Variants in TTC39B observed in about 807,000 individuals in gnomAD.
The protein encoded by TTC39B is tetratricopeptide repeat protein 39B.
In TTC39B, 92 loss-of-function variants were observed where a neutral mutation model predicts 96.6. The observed-to-expected ratio is 0.95, with a 90% CI of 0.80 to 1.13. The LOEUF (loss-of-function observed/expected upper bound fraction) is 1.13, where lower values mean the gene tolerates loss of function less well. Ranked by LOEUF, TTC39B falls within the 50% of genes most tolerant of loss-of-function variation. The pLI, the probability that TTC39B is intolerant of heterozygous loss-of-function variation, is 0.00. For synonymous variants in TTC39B, 367 were observed against 299.4 expected, an observed-to-expected ratio of 1.23 and a Z score of -2.33; for missense variants, 955 against 809.3, an observed-to-expected ratio of 1.18 and a Z score of -2.18.
At chr9:15,297,694 A>G (rs1362226081) in intron 1 of TTC39B, among the ~76,000 whole-genome samples, 1 of 152,084 alleles carries the variant, frequency 6.6e-6, no homozygotes, top group African/African-American at 2.4e-5. Context: ...CAAACAAAAC[A>G]AAACACCAGC....
intron 16 of TTC39B, among the ~76,000 whole-genome samples, chr9:15,183,674 G>C (rs1818367097): frequency 6.6e-6 from 1 of 152,202 alleles, no homozygotes; most frequent in Non-Finnish European, 1.5e-5. Context: ...AGTTCTGTGA[G>C]ACAGAAAAAC....
intron 1 of TTC39B, among the ~76,000 whole-genome samples, chr9:15,282,577 G>C (rs993079064): frequency 1.3e-5 from 2 of 152,108 alleles, no homozygotes; most frequent in African/African-American, 4.8e-5. Context: ...TTCCATATGA[G>C]GTGTTAAAAA....
intron 17 of TTC39B, among the ~76,000 whole-genome samples, chr9:15,180,953 C>G (rs1818218157): frequency 6.6e-6 from 1 of 152,218 alleles, no homozygotes; most frequent in South Asian, 2.1e-4. Context: ...CTGTCTGTCT[C>G]AGTATCCCCC....
At chr9:15,232,696 G>A (rs1260956045) in intron 2 of TTC39B, among the ~76,000 whole-genome samples, 1 of 152,242 alleles carries the variant, frequency 6.6e-6, no homozygotes, top group East Asian at 1.9e-4. Flanking sequence ...AGCCCGCCTA[G>A]CTGAGGCGCG....
intron 2 of TTC39B, among the ~76,000 whole-genome samples, chr9:15,234,124 C>A (rs1044931237): frequency 4.0e-5 from 6 of 151,202 alleles, no homozygotes; most frequent in Non-Finnish European, 5.9e-5. Flanking sequence ...GCCCGGCCGC[C>A]CCGTCTGAGA....
intron 7 of TTC39B, among the ~76,000 whole-genome samples, chr9:15,200,550 A>C (rs962007339): frequency 1.3e-5 from 2 of 152,242 alleles, no homozygotes; most frequent in Non-Finnish European, 1.5e-5. Flanking sequence ...GTTGGCCTAG[A>C]TGAATGGCAT....
At chr9:15,216,611 T>A (rs1820533286) in intron 3 of TTC39B, among the ~76,000 whole-genome samples, 1 of 152,224 alleles carries the variant, frequency 6.6e-6, no homozygotes, top group South Asian at 2.1e-4. Flanking sequence ...CTTGAATTTA[T>A]CCTGTCTCAT....
intron 1 of TTC39B, among the ~76,000 whole-genome samples, chr9:15,301,697 C>T (rs1380932019): frequency 6.7e-6 from 1 of 149,182 alleles, no homozygotes; most frequent in Non-Finnish European, 1.5e-5. Context: ...CAGAGGTTGC[C>T]GTGAGCTGAG....
chr9:15,272,530 T>A (rs1338259207), intron 1 of TTC39B, among the ~76,000 whole-genome samples: 1 of 152,188 alleles, frequency 6.6e-6, no homozygotes, highest in African/African-American at 2.4e-5. Flanking sequence ...TGCATTTGCC[T>A]GCCCTACTCC....
chr9:15,190,476 G>C, intron 11 of TTC39B, 78 bp downstream of exon 11: 2 of 1,292,530 alleles, frequency 1.5e-6, no homozygotes, highest in African/African-American at 1.4e-5. Context: ...CTCCCAAGTA[G>C]TTGGGATTAC....
At chr9:15,284,230 C>T (rs1823872856) in intron 1 of TTC39B, among the ~76,000 whole-genome samples, 1 of 152,124 alleles carries the variant, frequency 6.6e-6, no homozygotes, top group Admixed American at 6.5e-5. Flanking sequence ...CTGTGATTGG[C>T]AAAAATTTAC....
At chr9:15,229,769 G>A (rs149687360) in intron 2 of TTC39B, among the ~76,000 whole-genome samples, 2,448 of 152,256 alleles carry the variant, frequency 0.016, 41 homozygotes, top group Non-Finnish European at 0.026. Context: ...TAGTCACACC[G>A]TTTTTATTAT....
At chr9:15,220,221 T>TC (rs1351793174) in intron 3 of TTC39B, among the ~76,000 whole-genome samples, 47 of 152,120 alleles carry the variant, frequency 3.1e-4, no homozygotes, top group Non-Finnish European at 8.8e-5. Flanking sequence ...ACTCCAGACC[T>TC]CCCTGCCCTC....
intron 1 of TTC39B, among the ~76,000 whole-genome samples, chr9:15,290,674 C>G (rs1824151535): frequency 6.6e-6 from 1 of 152,152 alleles, no homozygotes; most frequent in Non-Finnish European, 1.5e-5. Context: ...TCCTCTACTC[C>G]CTCCTTTCAC....
intron 18 of TTC39B, among the ~76,000 whole-genome samples, chr9:15,176,871 G>A (rs1201524124): frequency 6.6e-6 from 1 of 152,100 alleles, no homozygotes; most frequent in Non-Finnish European, 1.5e-5. Context: ...CAGAGAAAAG[G>A]GCCAGGCATC....
At chr9:15,220,414 G>A (rs913155657) in intron 3 of TTC39B, among the ~76,000 whole-genome samples, 9 of 152,156 alleles carry the variant, frequency 5.9e-5, no homozygotes, top group South Asian at 2.1e-4. Flanking sequence ...GTTAGATGGC[G>A]AGACTTCCAA....
At chr9:15,165,809 T>C (rs1817507576) in exon 20 of TTC39B, 2 of 152,208 alleles carry the variant, frequency 1.3e-5, no homozygotes, top group African/African-American at 4.8e-5. Context: ...GTCCCTCCCA[T>C]GTGGGGATTA....
intron 7 of TTC39B, among the ~76,000 whole-genome samples, chr9:15,201,861 T>C (rs989042221): frequency 6.6e-6 from 1 of 152,132 alleles, no homozygotes; most frequent in Non-Finnish European, 1.5e-5. Context: ...ACTCAATCAA[T>C]CAGAGCTACT....
exon 20 of TTC39B, chr9:15,168,186 T>A (rs1007195988): frequency 1.3e-5 from 2 of 152,146 alleles, no homozygotes; most frequent in African/African-American, 4.8e-5. Flanking sequence ...TGTAAGCCAT[T>A]CCGGGTGCTC....
Sources: gnomAD v4.1 joint callset for allele counts (sites outside exome capture counted in the v4.1 genomes callset) on GRCh38, gnomAD v4.1.1 for gene constraint, MANE v1.5 for transcripts, NCBI Gene and HGNC (gene_info 2026-07-23, HGNC 2026-07-21) for gene names.